Variants in LFNG observed in about 807,000 individuals in gnomAD.
LFNG encodes the protein beta-1,3-N-acetylglucosaminyltransferase lunatic fringe.
A neutral mutation model predicts 32.7 loss-of-function variants in LFNG; 15 were observed. That is an observed-to-expected ratio of 0.46 (90% CI 0.31 to 0.71). LFNG has a LOEUF of 0.71. Ranked by LOEUF, LFNG falls within the 30% of genes least tolerant of loss-of-function variation. The probability of loss-of-function intolerance (pLI) is 0.06; values close to 1 mark genes in which losing one functional copy is unlikely to be tolerated. For missense variants in LFNG, 520 were observed against 545.7 expected (o/e 0.95, Z 0.47); for synonymous variants, 274 against 246.8 (o/e 1.11, Z -1.03).
At position 2,520,949 on chromosome 7, in the gene LFNG, C is replaced by T. The variant is rs1379382408; in HGVS notation, c.432+656C>T. ...TACACACACATAATTAAGACACACC[C>T]CACTTTGAACATTTCCCTCGAGGCC... On this transcript the variant is annotated intron_variant, in intron 1 of 7. Coordinates refer to ENST00000222725, the MANE Select transcript of LFNG (RefSeq NM_001040167.2). This position sits in a 1 kb window ranked among gnomAD's most constrained non-coding sequence, Gnocchi z 5.0. Among the ~76,000 whole-genome samples the T allele has an allele frequency of 6.6e-6, 1 of 152,220 alleles. No homozygotes were observed. Among genetic ancestry groups the T allele is most frequent in the African/African-American group, 2.4e-5 (1 of 41,462 alleles).
upstream of LFNG, among the ~76,000 whole-genome samples, chr7:2,515,095 C>T (rs10261289): frequency 0.74 from 111,219 of 150,100 alleles, 40,971 homozygotes; most frequent in South Asian, 0.8. Context: ...TCCATCCATC[C>T]GTCTGTCTGT....
Position 2,525,210 on chromosome 7 carries a change from T to G in LFNG, c.482-9T>G, listed in dbSNP as rs773824034. 1 of 1,612,192 alleles carries G rather than the reference T, an allele frequency of 6.2e-7. No individual in the cohort carries two copies. Among genetic ancestry groups the G allele is most frequent in the South Asian group, 1.1e-5 (1 of 91,032 alleles). On this transcript the variant is annotated splice_polypyrimidine_tract_variant and intron_variant, in intron 2 of 7. Transcript: ENST00000222725. ...TCAGACCTACTCACAGCCGCTCCCCTGTCCACAGGCAACGTGGTCATCACA... is the reference window on the plus strand; with the variant it reads ...TCAGACCTACTCACAGCCGCTCCCCGGTCCACAGGCAACGTGGTCATCACA...
intron 1 of LFNG, among the ~76,000 whole-genome samples, chr7:2,524,094 G>A (rs930847807): frequency 1.3e-5 from 2 of 152,264 alleles, no homozygotes; most frequent in East Asian, 1.9e-4. Flanking sequence ...CCCCTCTCCC[G>A]CCAGCCCAGG....
chr7:2,525,731 T>A lies in LFNG; in HGVS notation c.782T>A (p.Ile261Asn), dbSNP rs1779949871. 1 of 1,612,688 alleles carries A rather than the reference T, an allele frequency of 6.2e-7. No individual in the cohort carries two copies. Among genetic ancestry groups the A allele is most frequent in the Non-Finnish European group, 8.5e-7 (1 of 1,180,002 alleles). The change falls in exon 5 of 8, where the codon ATC becomes AAC. Residue 261 changes from isoleucine (I) to asparagine (N), a missense_variant. Ile to Asn is a moderately radical substitution (Grantham distance 149). Around this residue, in one of 3 missense-constraint regions of LFNG, gnomAD observed 10 missense variants for 31.1 expected, o/e 0.32. Coordinates refer to ENST00000222725, the MANE Select transcript of LFNG (RefSeq NM_001040167.2). ...GCCACGGGCGGCGCTGGCTTCTGCATCAGCCGTGGGCTGGCTCTGAAGATG... is the reference window on the plus strand; with the variant it reads ...GCCACGGGCGGCGCTGGCTTCTGCAACAGCCGTGGGCTGGCTCTGAAGATG... ...WFATGGAGFC[I>N]SRGLALKMSP... is the part of the protein sequence containing the mutation.
chr7:2,525,668 C>T lies in LFNG; in HGVS notation c.736-17C>T, dbSNP rs753324248. 1 of 1,612,290 alleles carries T rather than the reference C, an allele frequency of 6.2e-7. No individual in the cohort carries two copies. Among genetic ancestry groups the T allele is most frequent in the South Asian group, 1.1e-5 (1 of 91,022 alleles). ...CAGCAGCGCCTGGGTCTCAGGACAC[C>T]TTCTCCCTTCTCCCAGCGTCCTGTC... On this transcript the variant is annotated splice_polypyrimidine_tract_variant and intron_variant, in intron 4 of 7. Transcript: ENST00000222725.
intron 1 of LFNG, among the ~76,000 whole-genome samples, chr7:2,522,402 T>C (rs1779817326): frequency 6.6e-6 from 1 of 151,792 alleles, no homozygotes; most frequent in Admixed American, 6.6e-5. Context: ...GGGCCTGGAG[T>C]CCAGGATGAA....
chr7:2,527,167 C>G lies in LFNG; in HGVS notation c.1095C>G (p.His365Gln), dbSNP rs1780010966. ...ACAGGTTCCGCTCCATCCACTGCCA[C>G]CTGTACCCGGACACACCCTGGTGTC... Reference protein sequence around the residue: ...DPSRFRSIHCHLYPDTPWCPR... With the variant: ...DPSRFRSIHCQLYPDTPWCPR... The change falls in exon 8 of 8, where the codon CAC becomes CAG. Residue 365 changes from histidine (H) to glutamine (Q), a missense_variant. This residue lies in a region of LFNG where 150 missense variants were observed against 159.9 expected (regional missense o/e 0.94). Coordinates refer to ENST00000222725, the MANE Select transcript of LFNG (RefSeq NM_001040167.2). The surrounding 1 kb of genome is among the most constrained non-coding windows in gnomAD (Gnocchi z 4.4). 6.2e-7 allele frequency: 1 copy of G among 1,612,940 alleles called. No homozygotes were observed. The highest frequency in any genetic ancestry group is 8.5e-7 in the Non-Finnish European group (1 of 1,179,982).
chr7:2,521,140 C>T (rs1779776331), intron 1 of LFNG, among the ~76,000 whole-genome samples: 1 of 152,016 alleles, frequency 6.6e-6, no homozygotes, highest in Admixed American at 6.5e-5. Context: ...CCCGGAGACC[C>T]AGGGCCTTCT....
rs1374927276 is a variant in LFNG at position 2,527,943 on chromosome 7, C to T, written c.*731C>T. 3 of 985,876 alleles carry T rather than the reference C, an allele frequency of 3.0e-6. No homozygotes were observed. The African/African-American group carries it at 5.2e-5, about 17-fold the overall frequency. The allele number at this position is 985,876 out of a possible 1,614,324, so 61.1% of individuals were successfully genotyped here. Reference sequence around the variant, plus strand: ...GTCAGAGCTCAGCATTTAATCTCCTCTCCAAAGTAGAGAGCAAGTCGCCCA... The same window carrying T: ...GTCAGAGCTCAGCATTTAATCTCCTTTCCAAAGTAGAGAGCAAGTCGCCCA... On this transcript the variant is annotated 3_prime_UTR_variant, in exon 8 of 8. Coordinates refer to ENST00000222725, the MANE Select transcript of LFNG (RefSeq NM_001040167.2). The surrounding 1 kb of genome is among the most constrained non-coding windows in gnomAD (Gnocchi z 4.4).
Position 2,519,906 on chromosome 7 carries a change from C to T in LFNG, c.45C>T (p.Gly15=). Residue 15 remains glycine (G), a synonymous_variant, in exon 1 of 8, where the codon GGC becomes GGT. Coordinates refer to ENST00000222725, the MANE Select transcript of LFNG (RefSeq NM_001040167.2). ...GGCGCCTGCTGCTGGCGCTGGCGGG[C>T]GCGCTGCTCGCCTGCCTGCTGGTGC... ...CGRRLLLALA[G]ALLACLLVLT... 1 of 1,093,634 alleles carries T rather than the reference C, an allele frequency of 9.1e-7. No homozygotes were observed. The highest frequency in any genetic ancestry group is 1.1e-6 in the Non-Finnish European group (1 of 895,020). 67.7% of individuals were successfully genotyped at this position (1,093,634 alleles called of 1,614,324 possible).
chr7:2,516,897 C>T (rs781197211), upstream of LFNG, among the ~76,000 whole-genome samples: 2 of 152,200 alleles, frequency 1.3e-5, no homozygotes, highest in Non-Finnish European at 1.5e-5. Context: ...GTCTTAAAGC[C>T]GAGAAGTGGC....
chr7:2,515,076 GTCCATCCA>G (rs576526637), upstream of LFNG, among the ~76,000 whole-genome samples: 1 of 129,154 alleles, frequency 7.7e-6, no homozygotes, highest in Non-Finnish European at 1.7e-5. Flanking sequence ...CTGTCCATCC[GTCCATCCA>G]TCCATCCATC....
chr7:2,528,143 G>C lies in LFNG; in HGVS notation c.*931G>C, dbSNP rs745471465. ...ATCAGAAAAAACAGAAGCCAAACTC[G>C]GGGTCATCTTTGTTTTTAAAGCTGA... On this transcript the variant is annotated 3_prime_UTR_variant, in exon 8 of 8. Transcript: ENST00000222725. The C allele has an allele frequency of 8.0e-5, 79 of 985,334 alleles. No homozygotes were observed. The highest frequency in any genetic ancestry group is 9.2e-5 in the Non-Finnish European group (76 of 829,894). The allele number at this position is 985,334 out of a possible 1,614,324, so 61.0% of individuals were successfully genotyped here.
Position 2,525,411 on chromosome 7 carries a change from C to T in LFNG, c.582-3C>T, listed in dbSNP as rs1200544583. On this transcript the variant is annotated splice_region_variant and splice_polypyrimidine_tract_variant and intron_variant, in intron 3 of 7. Transcript: ENST00000222725. ...TCCCCCGATGGCCCTGCCTTGTCCT[C>T]AGGTGGTTCTGCCACGTGGACGATG... 6.2e-7 allele frequency: 1 copy of T among 1,612,754 alleles called. No homozygotes were observed. Among genetic ancestry groups the T allele is most frequent in the African/African-American group, 1.3e-5 (1 of 74,948 alleles).
At chr7:2,519,761 C>G, upstream of LFNG, 1 of 657,844 alleles carries the variant, frequency 1.5e-6, no homozygotes, top group Non-Finnish European at 1.9e-6. Context: ...GCGCGGGACA[C>G]TGGTGCTGCG....
At chr7:2,524,463 A>G (rs1779886375) in intron 1 of LFNG, among the ~76,000 whole-genome samples, 1 of 152,102 alleles carries the variant, frequency 6.6e-6, no homozygotes, top group Non-Finnish European at 1.5e-5. Flanking sequence ...TGAGGCCCCC[A>G]TCCCCCACCC....
chr7:2,520,399 C>A lies in LFNG; in HGVS notation c.432+106C>A. ...GGAGTCAGGCTGCATCCCCATCCAG[C>A]CACTAGGGCCATCTGTGGGCGACGC... On this transcript the variant is annotated intron_variant, in intron 1 of 7. Transcript: ENST00000222725. This position sits in a 1 kb window ranked among gnomAD's most constrained non-coding sequence, Gnocchi z 5.0. 9.6e-7 allele frequency: 1 copy of A among 1,036,550 alleles called. No individual in the cohort carries two copies. The highest frequency in any genetic ancestry group is 1.4e-6 in the Non-Finnish European group (1 of 716,822). 64.2% of individuals were successfully genotyped at this position (1,036,550 alleles called of 1,614,324 possible). A position where few individuals can be genotyped will look rare whatever the true frequency, so the allele number is the denominator to read the frequency against.
In LFNG at chr7:2,526,015, G is replaced by T. The variant is rs934023189; in HGVS notation, c.822-229G>T. 2.0e-5 allele frequency among the ~76,000 whole-genome samples: 3 copies of T among 151,936 alleles called. No individual in the cohort carries two copies. Among genetic ancestry groups the T allele is most frequent in the Non-Finnish European group, 4.4e-5 (3 of 67,924 alleles). On this transcript the variant is annotated intron_variant, in intron 5 of 7. Coordinates refer to ENST00000222725, the MANE Select transcript of LFNG (RefSeq NM_001040167.2). The surrounding 1 kb of genome is among the most constrained non-coding windows in gnomAD (Gnocchi z 6.9). ...GAGCACCCCAGGCACCATCCGGCAG[G>T]ACTCTTCCCTGCACCCAGATTCCCT...
Position 2,528,270 on chromosome 7 carries a change from G to C in LFNG, c.*1058G>C. 1.0e-6 allele frequency: 1 copy of C among 986,098 alleles called. No individual in the cohort carries two copies. The highest frequency in any genetic ancestry group is 1.2e-6 in the Non-Finnish European group (1 of 830,042). 61.1% of individuals were successfully genotyped at this position (986,098 alleles called of 1,614,324 possible). Reference sequence around the variant, plus strand: ...AGCTGCCACCTCCCCGCTGGGCCCAGCATGGCTCACCTGTCCCGTGGGCTG... The same window carrying C: ...AGCTGCCACCTCCCCGCTGGGCCCACCATGGCTCACCTGTCCCGTGGGCTG... On this transcript the variant is annotated 3_prime_UTR_variant, in exon 8 of 8. Coordinates refer to ENST00000222725, the MANE Select transcript of LFNG (RefSeq NM_001040167.2).
Sources: gnomAD v4.1 joint callset for allele counts (sites outside exome capture counted in the v4.1 genomes callset) on GRCh38, gnomAD v4.1.1 for gene constraint, gnomAD v4.1.1 regional missense constraint, Gnocchi (gnomAD v3.1) non-coding constraint, MANE v1.5 for transcripts, NCBI Gene and HGNC (gene_info 2026-07-23, HGNC 2026-07-21) for gene names.